Variants in BCAS3 observed in about 807,000 individuals in gnomAD.
BCAS3 encodes the protein BCAS4/BCAS3 fusion.
In BCAS3, 53 loss-of-function variants were observed where a neutral mutation model predicts 116.1. That is an observed-to-expected ratio of 0.46 (90% CI 0.37 to 0.57). The LOEUF (loss-of-function observed/expected upper bound fraction) is 0.57. Ranked by LOEUF, BCAS3 falls within the 20% of genes least tolerant of loss-of-function variation. The pLI is 0.00. For synonymous variants in BCAS3, 391 were observed against 408.2 expected (o/e 0.96, Z 0.51); for missense variants, 917 against 1,165.4 (o/e 0.79, Z 3.10).
At chr17:61,253,484 A>G (rs1467378611) in intron 22 of BCAS3, among the ~76,000 whole-genome samples, 1 of 152,092 alleles carries the variant, frequency 6.6e-6, no homozygotes, top group Admixed American at 6.6e-5. Flanking sequence ...CATTAATAAT[A>G]GTATTATTAG....
chr17:61,138,551 A>AT (rs1309540934), intron 22 of BCAS3, among the ~76,000 whole-genome samples: 4 of 152,154 alleles, frequency 2.6e-5, no homozygotes, highest in Admixed American at 1.3e-4. Context: ...GCAATTTTGC[A>AT]TTTTTTACTG....
intron 22 of BCAS3, among the ~76,000 whole-genome samples, chr17:61,260,710 T>C (rs1373648042): frequency 6.6e-6 from 1 of 152,222 alleles, no homozygotes; most frequent in Non-Finnish European, 1.5e-5. Flanking sequence ...CAGTACCAGT[T>C]TGAGAGACAC....
chr17:61,317,698 G>A (rs894823273), intron 22 of BCAS3, among the ~76,000 whole-genome samples: 6 of 152,218 alleles, frequency 3.9e-5, no homozygotes, highest in Non-Finnish European at 8.8e-5. Context: ...GAGAGTAGTA[G>A]TTGGCAAGGT....
At chr17:60,928,584 A>T (rs1567890158) in intron 13 of BCAS3, among the ~76,000 whole-genome samples, 1 of 152,212 alleles carries the variant, frequency 6.6e-6, no homozygotes, top group Non-Finnish European at 1.5e-5. Context: ...GCTGGTAAGC[A>T]ATTACTTACA....
At chr17:61,268,141 T>A (rs2049917857) in intron 22 of BCAS3, among the ~76,000 whole-genome samples, 1 of 152,248 alleles carries the variant, frequency 6.6e-6, no homozygotes, top group Admixed American at 6.5e-5. Context: ...TCCACCTTTG[T>A]CTGTTTTGCA....
intron 15 of BCAS3, among the ~76,000 whole-genome samples, chr17:61,005,459 C>T (rs1001211514): frequency 6.6e-6 from 1 of 151,938 alleles, no homozygotes; most frequent in African/African-American, 2.4e-5. Context: ...GTTTTATCTG[C>T]CCTGTTGTCA....
intron 22 of BCAS3, among the ~76,000 whole-genome samples, chr17:61,350,456 A>G (rs1272436023): frequency 1.3e-5 from 2 of 150,800 alleles, no homozygotes; most frequent in African/African-American, 4.9e-5. Flanking sequence ...AAATAAATAA[A>G]TTTTATTGTA....
chr17:61,269,924 C>A (rs2050098484), intron 22 of BCAS3, among the ~76,000 whole-genome samples: 1 of 151,630 alleles, frequency 6.6e-6, no homozygotes, highest in Non-Finnish European at 1.5e-5. Context: ...GTGCCTCAGT[C>A]CCCTAGGTAG....
chr17:60,683,313 C>T (rs1435718313), intron 2 of BCAS3, among the ~76,000 whole-genome samples: 1 of 152,014 alleles, frequency 6.6e-6, no homozygotes, highest in African/African-American at 2.4e-5. Context: ...AGAGGAAGGT[C>T]CTACCTTAGG....
Position 61,366,611 on chromosome 17 carries a change from C to G in BCAS3, c.2426-1716C>G, listed in dbSNP as rs1429337290. 6.6e-6 allele frequency among the ~76,000 whole-genome samples: 1 copy of G among 152,336 alleles called. No homozygotes were observed. Among genetic ancestry groups the G allele is most frequent in the South Asian group, 2.1e-4 (1 of 4,830 alleles). ...GCCGTGCACCCCCATTTTCCAGAGC[C>G]TAGCTTACCAGATCTACAGCCTGAC... is the stretch of plus-strand genomic sequence containing the variant. On this transcript the variant is annotated intron_variant, in intron 22 of 23. Transcript: ENST00000407086. The surrounding 1 kb of genome is among the most constrained non-coding windows in gnomAD (Gnocchi z 4.5).
At chr17:60,976,272 C>A (rs1371919855) in intron 14 of BCAS3, among the ~76,000 whole-genome samples, 2 of 151,444 alleles carry the variant, frequency 1.3e-5, no homozygotes, top group African/African-American at 2.4e-5. Flanking sequence ...GATCCACCCG[C>A]CTCGGCCTGC....
chr17:60,928,098 C>T (rs1368361195), intron 13 of BCAS3, among the ~76,000 whole-genome samples: 1 of 152,148 alleles, frequency 6.6e-6, no homozygotes, highest in East Asian at 1.9e-4. Context: ...CTCTATTCAC[C>T]TTGTCTGGCT....
chr17:61,225,472 G>A (rs971292345), intron 22 of BCAS3, among the ~76,000 whole-genome samples: 2 of 152,138 alleles, frequency 1.3e-5, no homozygotes, highest in East Asian at 3.9e-4. Flanking sequence ...CTCTAGATTA[G>A]TTTATTTAAT....
intron 12 of BCAS3, among the ~76,000 whole-genome samples, chr17:60,912,048 A>G (rs1819135854): frequency 6.6e-6 from 1 of 152,160 alleles, no homozygotes; most frequent in Non-Finnish European, 1.5e-5. Flanking sequence ...CTTGCTGGTA[A>G]GGTATCATTT....
chr17:60,758,643 A>G (rs1382314735), intron 6 of BCAS3, among the ~76,000 whole-genome samples: 2 of 152,192 alleles, frequency 1.3e-5, no homozygotes, highest in East Asian at 3.9e-4. Flanking sequence ...TGGCTTCCCA[A>G]AGTGCTGGGG....
chr17:60,979,707 G>A (rs142599490), intron 14 of BCAS3, among the ~76,000 whole-genome samples: 1 of 151,394 alleles, frequency 6.6e-6, no homozygotes, highest in Non-Finnish European at 1.5e-5. Flanking sequence ...TAGCATGAAG[G>A]GTTGTTGAAT....
intron 13 of BCAS3, among the ~76,000 whole-genome samples, chr17:60,937,002 G>T (rs1234873901): frequency 2.6e-5 from 4 of 152,114 alleles, no homozygotes; most frequent in Middle Eastern, 3.4e-3. Context: ...GGTCTAACAT[G>T]TAAGTCTTTA....
chr17:61,174,904 A>C (rs987783717), intron 22 of BCAS3, among the ~76,000 whole-genome samples: 3 of 152,234 alleles, frequency 2.0e-5, no homozygotes, highest in African/African-American at 7.2e-5. Context: ...CAATTAAGAT[A>C]GAATCAGGCC....
intron 13 of BCAS3, among the ~76,000 whole-genome samples, chr17:60,941,797 C>G (rs1308911515): frequency 1.3e-5 from 2 of 152,090 alleles, no homozygotes; most frequent in Non-Finnish European, 2.9e-5. Flanking sequence ...GATTTTCATT[C>G]ATATGTAAAA....
Sources: allele counts gnomAD v4.1 joint callset (sites outside exome capture counted in the v4.1 genomes callset), GRCh38; gene constraint gnomAD v4.1.1; non-coding constraint Gnocchi (gnomAD v3.1); transcripts MANE v1.5; gene names NCBI Gene and HGNC (gene_info 2026-07-23, HGNC 2026-07-21).